The following COL4A6 variants were observed in gnomAD, a reference collection of about 807,000 sequenced individuals.
COL4A6 encodes collagen alpha-6(IV) chain.
COL4A6 carries 59 observed loss-of-function variants against 126.7 expected under a neutral mutation model. That is an observed-to-expected ratio of 0.47 (90% CI 0.38 to 0.58). The LOEUF (loss-of-function observed/expected upper bound fraction) is 0.58. Ranked by LOEUF, COL4A6 falls within the 20% of genes least tolerant of loss-of-function variation. The pLI is 0.00. For synonymous variants in COL4A6, 547 were observed against 496.6 expected, an observed-to-expected ratio of 1.10 and a Z score of -1.35; for missense variants, 1,285 against 1,337.3, an observed-to-expected ratio of 0.96 and a Z score of 0.61.
At chrX:108,241,993 GTTTT>G (rs754002626) in intron 3 of COL4A6, among the ~76,000 whole-genome samples, 164 of 85,885 alleles carry the variant, frequency 1.9e-3, no homozygotes, top group African/African-American at 6.3e-3. Flanking sequence ...GATTTCACCA[GTTTT>G]TTTTTTTTTT....
rs976185717 is a variant in COL4A6, at chrX:108,438,202, C to A, written c.-6G>T. On this transcript the variant is annotated 5_prime_UTR_variant, in exon 1 of 45. Coordinates refer to ENST00000334504, the MANE Select transcript of COL4A6 (RefSeq NM_033641.4). ...ACAGCTCACCCAGGGTGCATGCTTG[C>A]GGCTCCTCCGGAGCTGGGTCCCGGG... 8.4e-7 allele frequency: 1 copy of A among 1,190,182 alleles called. No individual in the cohort carries two copies. The highest frequency in any genetic ancestry group is 1.1e-6 in the Non-Finnish European group (1 of 886,582).
intron 2 of COL4A6, among the ~76,000 whole-genome samples, chrX:108,394,679 T>A (rs916872656): frequency 8.9e-6 from 1 of 112,097 alleles, no homozygotes; most frequent in Admixed American, 9.5e-5. Context: ...AGAAGGCATT[T>A]ATCGTCTACT....
At chrX:108,426,944 A>AC (rs1174409640) in intron 2 of COL4A6, among the ~76,000 whole-genome samples, 1 of 111,877 alleles carries the variant, frequency 8.9e-6, no homozygotes, top group East Asian at 2.8e-4. Flanking sequence ...TAAATACGGA[A>AC]CCCCCAAAAG....
At chrX:108,261,341 T>A (rs1038484891) in intron 3 of COL4A6, among the ~76,000 whole-genome samples, 4 of 111,610 alleles carry the variant, frequency 3.6e-5, no homozygotes, top group Non-Finnish European at 7.6e-5. Flanking sequence ...CTAGAAAGCA[T>A]AAGTATTATA....
rs777743378 is a variant in COL4A6 at position 108,421,888 on chromosome X, A to G, written c.63+16054T>C. ...TTCTTAAGCTGGGTGATGGTCATAT[A>G]TGTGTTCATTATGTTACTTTATGTC... On this transcript the variant is annotated intron_variant, in intron 2 of 44. Transcript: ENST00000334504. 7.1e-5 allele frequency among the ~76,000 whole-genome samples: 8 copies of G among 112,168 alleles called. No homozygotes were observed. The East Asian group carries it at 2.2e-3, about 31-fold the overall frequency.
chrX:108,258,496 A>T (rs948039943), intron 3 of COL4A6, among the ~76,000 whole-genome samples: 1 of 112,212 alleles, frequency 8.9e-6, no homozygotes, highest in Non-Finnish European at 1.9e-5. Flanking sequence ...AATTTAGTTT[A>T]CTTAAAGGAT....
Position 108,165,363 on chromosome X carries a change from T to C in COL4A6, c.3808+7A>G, listed in dbSNP as rs1298250242. ...GGCTAGCCCTCTTTTGGGCTTCCTG[T>C]CTTTACCTCGTTCTCCATCTAGGCC... On this transcript the variant is annotated splice_region_variant and intron_variant, in intron 38 of 44. Transcript: ENST00000334504. 2 of 1,196,340 alleles carry C rather than the reference T, an allele frequency of 1.7e-6. No homozygotes were observed. The highest frequency in any genetic ancestry group is 1.8e-5 in the African/African-American group (1 of 56,852).
intron 32 of COL4A6, 49 bp from the exon 33 acceptor site, chrX:108,171,510 A>C: frequency 6.8e-6 from 7 of 1,025,997 alleles, no homozygotes; most frequent in Non-Finnish European, 9.5e-6. Context: ...GCTATAGCTC[A>C]TTTTGCACCA....
upstream of COL4A6, chrX:108,439,353 CT>C: frequency 1.2e-6 from 1 of 813,976 alleles, no homozygotes; most frequent in African/African-American, 2.1e-5. Flanking sequence ...TACTTATTTT[CT>C]TACTTGTTTA....
intron 2 of COL4A6, among the ~76,000 whole-genome samples, chrX:108,424,360 T>C (rs2064034586): frequency 8.9e-6 from 1 of 112,393 alleles, no homozygotes; most frequent in African/African-American, 3.2e-5. Context: ...AGATAAGTCA[T>C]CAATCCAGAT....
rs777095076 is a variant in COL4A6 at position 108,170,916 on chromosome X, G to C, written c.3279C>G (p.Gly1093=). Residue 1093 remains glycine, a splice_region_variant and synonymous_variant, in exon 34 of 45, where the codon GGC becomes GGG. Coordinates refer to ENST00000334504, the MANE Select transcript of COL4A6 (RefSeq NM_033641.4). ...CTATTAGTCCATCTCTTCCTTTTGT[G>C]CCTATAAAACCAAGAAAAATGCTGA... ...KGQPGESGFK[G]TKGRDGLIGN... The C allele has an allele frequency of 1.7e-6, 2 of 1,203,644 alleles. No individual in the cohort carries two copies. Among genetic ancestry groups the C allele is most frequent in the African/African-American group, 3.5e-5 (2 of 57,232 alleles).
At chrX:108,198,093 G>A (rs937983865) in intron 13 of COL4A6, among the ~76,000 whole-genome samples, 1 of 111,550 alleles carries the variant, frequency 9.0e-6, no homozygotes, top group Non-Finnish European at 1.9e-5. Flanking sequence ...CATGCTGCCC[G>A]AAACTCTTAA....
rs1346266406 is a variant in COL4A6, at chrX:108,211,710, C to A, written c.472G>T (p.Asp158Tyr). The A allele has an allele frequency of 1.3e-5, 16 of 1,211,379 alleles. No individual in the cohort carries two copies. The highest frequency in any genetic ancestry group is 1.7e-5 in the Non-Finnish European group (15 of 894,987). Reference sequence around the variant, plus strand: ...AAACTACCTGGAGCAAGGACAGGGTCACCTTTTGATCCTTTCTGACCAGGA... The same window carrying A: ...AAACTACCTGGAGCAAGGACAGGGTAACCTTTTGATCCTTTCTGACCAGGA... ...GLPGQKGSKG[D>Y]PVLAPGSFKG... The change falls in exon 7 of 45, where the codon GAC becomes TAC. Residue 158 changes from aspartate to tyrosine, a missense_variant. By Grantham distance (160) the Asp-to-Tyr change is radical. Coordinates refer to ENST00000334504, the MANE Select transcript of COL4A6 (RefSeq NM_033641.4).
chrX:108,344,823 A>G (rs112230680), intron 2 of COL4A6, among the ~76,000 whole-genome samples: 16 of 112,212 alleles, frequency 1.4e-4, no homozygotes, highest in African/African-American at 5.2e-4. Flanking sequence ...CATCAAGAGC[A>G]GCAAGACATT....
At chrX:108,171,504 T>C in intron 32 of COL4A6, 43 bp from the exon 33 acceptor site, 3 of 1,075,372 alleles carry the variant, frequency 2.8e-6, no homozygotes, top group Non-Finnish European at 3.8e-6. Context: ...GGAGAAGCTA[T>C]AGCTCATTTT....
At chrX:108,174,203 G>T (rs1009868725) in intron 31 of COL4A6, among the ~76,000 whole-genome samples, 2 of 111,685 alleles carry the variant, frequency 1.8e-5, no homozygotes, top group Admixed American at 1.9e-4. Context: ...TTGGATAATT[G>T]TAAAGGCAAG....
Position 108,174,503 on chromosome X carries a change from C to T in COL4A6, c.3075G>A (p.Arg1025=), listed in dbSNP as rs760323641. The T allele has an allele frequency of 5.0e-6, 6 of 1,211,300 alleles. No individual in the cohort carries two copies. Among genetic ancestry groups the T allele is most frequent in the Non-Finnish European group, 6.7e-6 (6 of 895,228 alleles). The change falls in exon 31 of 45, where the codon CGG becomes CGA. Residue 1025 remains arginine (R), a synonymous_variant. Coordinates refer to ENST00000334504, the MANE Select transcript of COL4A6 (RefSeq NM_033641.4). The part of the protein sequence containing the change: ...KPGPPGFMGI[R]GLPGLKGSSG... ...AGGACCCCTTCAGGCCAGGTAAGCC[C>T]CGGATTCCCATGAAGCCAGGGGGCC...
At chrX:108,270,672 T>G (rs1441436320) in intron 3 of COL4A6, among the ~76,000 whole-genome samples, 1 of 112,540 alleles carries the variant, frequency 8.9e-6, no homozygotes, top group Non-Finnish European at 1.9e-5. Flanking sequence ...GTGGTATGAA[T>G]CTTAAATGTG....
intron 15 of COL4A6, 197 bp from the exon 16 acceptor site, chrX:108,194,784 A>T (rs1300560242): frequency 8.8e-6 from 4 of 455,207 alleles, no homozygotes; most frequent in Non-Finnish European, 1.1e-5. Context: ...ACATATTAGG[A>T]GGTACAAGGG....
Sources: gnomAD v4.1 joint callset for allele counts (sites outside exome capture counted in the v4.1 genomes callset) on GRCh38, gnomAD v4.1.1 for gene constraint, MANE v1.5 for transcripts, NCBI Gene and HGNC (gene_info 2026-07-23, HGNC 2026-07-21) for gene names.